The following SAG variants were observed in gnomAD, a reference collection of about 807,000 sequenced individuals.
SAG encodes S-arrestin.
A neutral mutation model predicts 55.0 loss-of-function variants in SAG; 45 were observed. The observed-to-expected ratio is 0.82, with a 90% confidence interval of 0.64 to 1.05. SAG has a LOEUF of 1.05. Among genes scored for constraint, SAG ranks in the 50% least tolerant of loss-of-function variants. SAG has a pLI of 0.00. For missense variants in SAG, 455 were observed against 512.1 expected, an observed-to-expected ratio of 0.89 and a Z score of 1.08; for synonymous variants, 189 against 197.4, an observed-to-expected ratio of 0.96 and a Z score of 0.36.
intron 10 of SAG, chr2:233,334,002 T>G (rs1280636988): frequency 6.6e-6 from 1 of 152,182 alleles, no homozygotes; most frequent in East Asian, 1.9e-4. Flanking sequence ...AGGACAGCCT[T>G]AGAATGGTCC....
intron 2 of SAG, among the ~76,000 whole-genome samples, chr2:233,311,636 C>T (rs1258702842): frequency 2.0e-5 from 3 of 152,164 alleles, no homozygotes; most frequent in Non-Finnish European, 2.9e-5. Context: ...TACAGTCTCA[C>T]ATCACCCACT....
chr2:233,316,053 C>T, intron 2 of SAG, 22 bp from the exon 3 acceptor site: 1 of 1,516,928 alleles, frequency 6.6e-7, no homozygotes, highest in Non-Finnish European at 9.1e-7. Flanking sequence ...GGCCCTTAGA[C>T]CCACACCTGT....
intron 5 of SAG, among the ~76,000 whole-genome samples, chr2:233,322,213 C>T (rs1215975216): frequency 6.8e-6 from 1 of 146,278 alleles, no homozygotes; most frequent in Non-Finnish European, 1.5e-5. Context: ...AAAAAAAGTG[C>T]TTCTCTTTCT....
At chr2:233,325,363 A>AG (rs1201735444) in intron 6 of SAG, among the ~76,000 whole-genome samples, 1 of 151,816 alleles carries the variant, frequency 6.6e-6, no homozygotes, top group Non-Finnish European at 1.5e-5. Context: ...CTAAAAAAAA[A>AG]AAAAAATAGA....
intron 10 of SAG, chr2:233,334,608 A>G: frequency 5.0e-6 from 1 of 201,010 alleles, no homozygotes; most frequent in South Asian, 1.0e-4. Context: ...GCTGACACCA[A>G]CCAGAAGGTT....
At chr2:233,317,036 A>G (rs1700232866) in intron 3 of SAG, among the ~76,000 whole-genome samples, 1 of 151,954 alleles carries the variant, frequency 6.6e-6, no homozygotes, top group African/African-American at 2.4e-5. Flanking sequence ...TAATTTTTGT[A>G]TTTTTTGCAG....
At chr2:233,338,596 C>A in intron 11 of SAG, 80 bp from the exon 12 acceptor site, 2 of 1,249,094 alleles carry the variant, frequency 1.6e-6, no homozygotes, top group Non-Finnish European at 2.4e-6. Context: ...GGCATGCCTG[C>A]CTCGAATGGA....
intron 10 of SAG, chr2:233,334,316 A>G (rs1488349665): frequency 6.6e-6 from 1 of 152,214 alleles, no homozygotes; most frequent in African/African-American, 2.4e-5. Context: ...CTGCCTGGAG[A>G]AACACACATT....
chr2:233,314,939 A>T (rs1700177140), intron 2 of SAG, among the ~76,000 whole-genome samples: 1 of 152,160 alleles, frequency 6.6e-6, no homozygotes, highest in African/African-American at 2.4e-5. Context: ...GTGTACTCTC[A>T]TTCATTGGTG....
At position 233,319,651 on chromosome 2, in the gene SAG, G is replaced by T; in HGVS notation, c.181+856G>T. The T allele has an allele frequency of 1.0e-6, 1 of 986,038 alleles. No homozygotes were observed. Among genetic ancestry groups the T allele is most frequent in the Non-Finnish European group, 1.2e-6 (1 of 830,456 alleles). The allele number at this position is 986,038 out of a possible 1,614,324, so 61.1% of individuals were successfully genotyped here. ...CTCTGTCCTCTCCACCTTCCTCCTG[G>T]GTGCCCTGCTCCTCTCTGGACCAGG... On this transcript the variant is annotated intron_variant, in intron 4 of 15. Coordinates refer to ENST00000409110, the MANE Select transcript of SAG (RefSeq NM_000541.5). This position sits in a 1 kb window ranked among gnomAD's most constrained non-coding sequence, Gnocchi z 4.4.
At chr2:233,310,630 C>G (rs1285573452) in intron 2 of SAG, among the ~76,000 whole-genome samples, 1 of 151,880 alleles carries the variant, frequency 6.6e-6, no homozygotes. Context: ...CCTCGGCCTC[C>G]CTAGTAGCTG....
chr2:233,310,231 A>C (rs564862078), intron 2 of SAG, among the ~76,000 whole-genome samples: 1 of 152,364 alleles, frequency 6.6e-6, no homozygotes, highest in South Asian at 2.1e-4. Context: ...CATCTAGTGC[A>C]AGCCACATAT....
At chr2:233,331,557 G>A (rs1700762705) in intron 9 of SAG, 83 bp from the exon 10 acceptor site, 1 of 839,864 alleles carries the variant, frequency 1.2e-6, no homozygotes, top group Non-Finnish European at 2.1e-6. Context: ...GGAGAGACCA[G>A]CGTGTACCCT....
Position 233,330,471 on chromosome 2 carries a change from CCCTCCCTTCCTTCCTTCCTTCCTTCCTT to C in SAG, c.733+898_733+925del, listed in dbSNP as rs1291450788. On this transcript the variant is annotated intron_variant, in intron 9 of 15. Coordinates refer to ENST00000409110, the MANE Select transcript of SAG (RefSeq NM_000541.5). ...ACTAAGGAATTCTAGACTTTTCCCT[CCCTCCCTTCCTTCCTTCCTTCCTTCCTT>C]CCTTCCTTCCTTCCTTCCTTCCTTC... Among the ~76,000 whole-genome samples, 191 of 113,556 alleles carry C rather than the reference CCCTCCCTTCCTTCCTTCCTTCCTTCCTT, an allele frequency of 1.7e-3. 1 individual carries two copies. Among genetic ancestry groups the C allele is most frequent in the Non-Finnish European group, 2.2e-3 (114 of 52,968 alleles). 74.5% of individuals were successfully genotyped at this position (113,556 alleles called of 152,430 possible). A position where few individuals can be genotyped will look rare whatever the true frequency, so the allele number is the denominator to read the frequency against.
At chr2:233,338,643 C>G (rs1380450504) in intron 11 of SAG, 33 bp from the exon 12 acceptor site, 2 of 1,592,130 alleles carry the variant, frequency 1.3e-6, no homozygotes, top group South Asian at 2.2e-5. Flanking sequence ...CCTCTGCTCT[C>G]CATCATTCTC....
At chr2:233,323,084 G>A (rs1251711610) in intron 6 of SAG, 79 bp downstream of exon 6, 10 of 911,668 alleles carry the variant, frequency 1.1e-5, no homozygotes, top group Non-Finnish European at 1.6e-5. Context: ...TTTGAAACAG[G>A]GTTTTACTCT....
At chr2:233,311,620 G>C (rs1029303514) in intron 2 of SAG, among the ~76,000 whole-genome samples, 1 of 152,100 alleles carries the variant, frequency 6.6e-6, no homozygotes, top group East Asian at 1.9e-4. Flanking sequence ...GCCCCCGAAG[G>C]CTGGCTACAG....
At position 233,334,958 on chromosome 2, in the gene SAG, C is replaced by G. The variant is rs779184629; in HGVS notation, c.807-4C>G. ...ATAAATCTCCTCTGTTCTTCTTCCT[C>G]TAGAGAAAAAGTGCCACCAAACAGC... On this transcript the variant is annotated splice_polypyrimidine_tract_variant and splice_region_variant and intron_variant, in intron 10 of 15. Transcript: ENST00000409110. 8 of 1,613,930 alleles carry G rather than the reference C, an allele frequency of 5.0e-6. No individual in the cohort carries two copies. The highest frequency in any genetic ancestry group is 2.2e-5 in the East Asian group (1 of 44,888).
At chr2:233,310,360 A>G (rs1435934007) in intron 2 of SAG, among the ~76,000 whole-genome samples, 2 of 152,216 alleles carry the variant, frequency 1.3e-5, no homozygotes, top group African/African-American at 4.8e-5. Context: ...TTCAACTTGT[A>G]AATAATAATA....
Sources: allele counts gnomAD v4.1 joint callset (sites outside exome capture counted in the v4.1 genomes callset), GRCh38; gene constraint gnomAD v4.1.1; non-coding constraint Gnocchi (gnomAD v3.1); transcripts MANE v1.5; gene names NCBI Gene and HGNC (gene_info 2026-07-23, HGNC 2026-07-21).